PIK3C2G: variants seen among roughly 807,000 people sequenced by gnomAD.
The protein encoded by PIK3C2G is phosphatidylinositol 3-kinase C2 domain-containing subunit gamma.
Under a neutral mutation model 181.1 loss-of-function variants are expected in PIK3C2G, and 168 were observed. The observed-to-expected ratio is 0.93, with a 90% confidence interval of 0.82 to 1.05. The LOEUF (loss-of-function observed/expected upper bound fraction) is 1.05, where lower values mean the gene tolerates loss of function less well. PIK3C2G is among the 50% of genes least tolerant of loss of function. PIK3C2G has a pLI of 0.00. For synonymous variants in PIK3C2G, 573 were observed against 592.2 expected, an observed-to-expected ratio of 0.97 and a Z score of 0.47; for missense variants, 1,869 against 1,732.8, an observed-to-expected ratio of 1.08 and a Z score of -1.40.
chr12:18,385,212 T>C (rs1943087501), intron 14 of PIK3C2G, among the ~76,000 whole-genome samples: 1 of 152,190 alleles, frequency 6.6e-6, no homozygotes, highest in African/African-American at 2.4e-5. Flanking sequence ...CCTACCTGAC[T>C]TCACTTTTCC....
intron 13 of PIK3C2G, among the ~76,000 whole-genome samples, chr12:18,377,218 AC>A (rs532006010): frequency 3.2e-4 from 48 of 152,252 alleles, no homozygotes; most frequent in African/African-American, 1.1e-3. Context: ...TTATTTAAAC[AC>A]CTGATCTTGT....
chr12:18,670,915 G>T, the PIK3C2G span, among the ~76,000 whole-genome samples: 2 of 152,140 alleles, frequency 1.3e-5, no homozygotes, highest in African/African-American at 2.4e-5. Context: ...GGGCACAGTG[G>T]CTCATGCCTG....
the PIK3C2G span, among the ~76,000 whole-genome samples, chr12:18,687,044 A>G: frequency 6.6e-6 from 1 of 152,116 alleles, no homozygotes; most frequent in South Asian, 2.1e-4. Flanking sequence ...TCATGACATC[A>G]GCAGTTACTA....
intron 32 of PIK3C2G, among the ~76,000 whole-genome samples, chr12:18,643,385 A>G (rs1204143321): frequency 6.6e-6 from 1 of 152,152 alleles, no homozygotes; most frequent in Admixed American, 6.6e-5. Flanking sequence ...ATGAGAACAT[A>G]GTCCAATCAA....
At chr12:18,635,885 C>A (rs1004871428) in intron 31 of PIK3C2G, among the ~76,000 whole-genome samples, 10 of 152,162 alleles carry the variant, frequency 6.6e-5, no homozygotes, top group Admixed American at 5.9e-4. Context: ...CATTGTGCCT[C>A]TTTCTTGGTT....
chr12:18,495,810 C>T (rs1199635290), intron 20 of PIK3C2G, among the ~76,000 whole-genome samples: 1 of 152,044 alleles, frequency 6.6e-6, no homozygotes, highest in Non-Finnish European at 1.5e-5. Flanking sequence ...GAGGAAAAAA[C>T]GTGGTTGAAG....
the PIK3C2G span, among the ~76,000 whole-genome samples, chr12:18,656,101 A>C: frequency 1.3e-5 from 2 of 152,176 alleles, no homozygotes; most frequent in Non-Finnish European, 2.9e-5. Context: ...AAAAATGGTG[A>C]AGTAGGGAAG....
chr12:18,643,574 CACA>C (rs773109013), intron 32 of PIK3C2G, among the ~76,000 whole-genome samples: 7 of 151,544 alleles, frequency 4.6e-5, no homozygotes, highest in Admixed American at 2.6e-4. Flanking sequence ...CCTGTATCAA[CACA>C]ACAAGAATAT....
intron 25 of PIK3C2G, among the ~76,000 whole-genome samples, chr12:18,539,438 G>A (rs1019304701): frequency 6.6e-6 from 1 of 151,736 alleles, no homozygotes; most frequent in African/African-American, 2.4e-5. Context: ...ATTCATTTAT[G>A]TTATTATACT....
the PIK3C2G span, among the ~76,000 whole-genome samples, chr12:18,711,114 G>A: frequency 2.0e-5 from 3 of 152,044 alleles, no homozygotes; most frequent in South Asian, 6.2e-4. Context: ...ATTCACAATA[G>A]CAAAGAATTG....
At chr12:18,699,992 A>T in the PIK3C2G span, 19 of 1,559,740 alleles carry the variant, frequency 1.2e-5, no homozygotes, top group Non-Finnish European at 8.7e-7. Context: ...TATGCTAATC[A>T]TTGGGAAAAA....
intron 22 of PIK3C2G, among the ~76,000 whole-genome samples, chr12:18,500,825 A>T (rs1941413998): frequency 1.3e-5 from 2 of 151,972 alleles, no homozygotes; most frequent in African/African-American, 4.8e-5. Context: ...TTTGCAATAA[A>T]TCCTGCTGCT....
intron 11 of PIK3C2G, among the ~76,000 whole-genome samples, chr12:18,356,448 CT>C (rs902142053): frequency 1.3e-5 from 2 of 152,090 alleles, no homozygotes; most frequent in African/African-American, 4.8e-5. Context: ...GTGGCAGCAT[CT>C]GGGGGGTACC....
At chr12:18,564,761 G>A (rs1945531380) in intron 28 of PIK3C2G, among the ~76,000 whole-genome samples, 1 of 152,018 alleles carries the variant, frequency 6.6e-6, no homozygotes, top group Non-Finnish European at 1.5e-5. Context: ...AAAGCTCAAC[G>A]TTTGGCTGCA....
chr12:18,502,399 C>T (rs138885152), intron 22 of PIK3C2G, among the ~76,000 whole-genome samples: 80 of 152,296 alleles, frequency 5.3e-4, no homozygotes, highest in African/African-American at 1.7e-3. Context: ...TCCCTGGTCT[C>T]TCTGGGAATT....
intron 24 of PIK3C2G, among the ~76,000 whole-genome samples, chr12:18,535,841 T>A (rs1297226116): frequency 6.6e-6 from 1 of 152,050 alleles, no homozygotes; most frequent in African/African-American, 2.4e-5. Flanking sequence ...TAAAAAATGC[T>A]ATCAGCTATC....
intron 13 of PIK3C2G, chr12:18,372,643 G>T (rs1001276284): frequency 6.6e-6 from 1 of 152,074 alleles, no homozygotes; most frequent in African/African-American, 2.4e-5. Context: ...TTTCTAGCTA[G>T]TCACTGAAAA....
At chr12:18,325,849 A>G (rs1456663623) in intron 8 of PIK3C2G, among the ~76,000 whole-genome samples, 2 of 152,132 alleles carry the variant, frequency 1.3e-5, no homozygotes, top group Non-Finnish European at 2.9e-5. Flanking sequence ...AGAAGCAGAC[A>G]GGGGCCAAAT....
intron 31 of PIK3C2G, among the ~76,000 whole-genome samples, chr12:18,626,035 TAA>T (rs923920093): frequency 2.0e-5 from 3 of 151,640 alleles, no homozygotes; most frequent in Admixed American, 6.6e-5. Flanking sequence ...TATTGACAGG[TAA>T]AGACTTACTA....
Sources: allele counts gnomAD v4.1 joint callset (sites outside exome capture counted in the v4.1 genomes callset), GRCh38; gene constraint gnomAD v4.1.1; transcripts MANE v1.5; gene names NCBI Gene and HGNC (gene_info 2026-07-23, HGNC 2026-07-21).